Variants in CUL4A observed in about 807,000 individuals in gnomAD.
CUL4A encodes the protein cullin-4A.
A neutral mutation model predicts 95.5 loss-of-function variants in CUL4A; 16 were observed. The ratio of observed to expected loss-of-function variants is 0.17; its 90% CI spans 0.11 to 0.25. CUL4A has a LOEUF of 0.25. Among genes scored for constraint, CUL4A ranks in the 10% least tolerant of loss-of-function variants. CUL4A has a pLI of 1.00. For missense variants in CUL4A, 610 were observed against 937.0 expected (o/e 0.65, Z 4.56); for synonymous variants, 380 against 353.1 (o/e 1.08, Z -0.85).
chr13:113,225,175 G>T (rs1461905779), intron 3 of CUL4A, among the ~76,000 whole-genome samples: 2 of 152,066 alleles, frequency 1.3e-5, no homozygotes, highest in Non-Finnish European at 2.9e-5. Context: ...ATGAAGATTG[G>T]CCCTTTTCTG....
intron 2 of CUL4A, 102 bp downstream of exon 2, chr13:113,210,190 G>A (rs1466644466): frequency 2.8e-6 from 2 of 723,776 alleles, no homozygotes; most frequent in Non-Finnish European, 4.1e-6. Flanking sequence ...GCCGGGGAGC[G>A]GAAAGGCAGG....
intron 3 of CUL4A, among the ~76,000 whole-genome samples, chr13:113,224,156 T>G (rs1156852719): frequency 6.6e-6 from 1 of 152,114 alleles, no homozygotes; most frequent in Non-Finnish European, 1.5e-5. Context: ...ATCGAGACCA[T>G]CCTGGCTAAC....
chr13:113,243,175 G>GT lies in CUL4A; in HGVS notation c.1228+23dup, dbSNP rs370973461. The GT allele has an allele frequency of 6.4e-5, 101 of 1,569,182 alleles. No individual in the cohort carries two copies. The highest frequency in any genetic ancestry group is 3.2e-4 in the East Asian group (14 of 43,846). Reference sequence around the variant, plus strand: ...AGAACTGATCGGTAGAAAAATATTTGTTTTTTTTGTTTGTTTGTTTTTGAG... The same window carrying GT: ...AGAACTGATCGGTAGAAAAATATTTGTTTTTTTTTGTTTGTTTGTTTTTGAG... On this transcript the variant is annotated intron_variant, in intron 11 of 19. Transcript: ENST00000375440.
intron 16 of CUL4A, 61 bp from the exon 17 acceptor site, chr13:113,254,632 T>G: frequency 8.4e-7 from 1 of 1,195,822 alleles, no homozygotes; most frequent in Non-Finnish European, 1.2e-6. Context: ...GAAGCTTCTT[T>G]TAATTTTTCA....
intron 5 of CUL4A, 43 bp downstream of exon 5, chr13:113,229,562 G>A: frequency 6.7e-7 from 1 of 1,496,580 alleles, no homozygotes; most frequent in East Asian, 2.3e-5. Flanking sequence ...CCCTGCAGCT[G>A]ATGCTTTTCG....
intron 15 of CUL4A, among the ~76,000 whole-genome samples, chr13:113,250,872 G>A (rs2041977301): frequency 6.6e-6 from 1 of 152,074 alleles, no homozygotes; most frequent in South Asian, 2.1e-4. Context: ...ATTGAAGATG[G>A]GGAGTAGGTG....
chr13:113,221,330 ACT>A (rs889402432), intron 3 of CUL4A, among the ~76,000 whole-genome samples: 2 of 152,200 alleles, frequency 1.3e-5, no homozygotes, highest in Non-Finnish European at 2.9e-5. Context: ...CATGGAGGTC[ACT>A]CTGGCAGAAT....
chr13:113,250,722 C>T (rs562676745), intron 15 of CUL4A, among the ~76,000 whole-genome samples: 14 of 152,028 alleles, frequency 9.2e-5, no homozygotes, highest in Non-Finnish European at 2.1e-4. Context: ...AAAGAAGAGG[C>T]TTATCACATT....
intron 15 of CUL4A, among the ~76,000 whole-genome samples, chr13:113,248,169 G>A (rs958613551): frequency 2.6e-5 from 4 of 152,156 alleles, no homozygotes; most frequent in African/African-American, 7.2e-5. Flanking sequence ...TCAAGACTAC[G>A]TAAACCTCTT....
At chr13:113,210,855 A>G (rs536325871) in intron 2 of CUL4A, among the ~76,000 whole-genome samples, 19 of 152,268 alleles carry the variant, frequency 1.2e-4, no homozygotes, top group Non-Finnish European at 2.4e-4. Context: ...AATACAAAAA[A>G]GAAGACTTCA....
chr13:113,235,711 C>G (rs979836071), intron 8 of CUL4A, among the ~76,000 whole-genome samples: 1 of 151,988 alleles, frequency 6.6e-6, no homozygotes, highest in Non-Finnish European at 1.5e-5. Context: ...TGGCTCAGGC[C>G]TGTAATCCCA....
At chr13:113,211,924 G>A (rs2040462945) in intron 2 of CUL4A, among the ~76,000 whole-genome samples, 1 of 151,928 alleles carries the variant, frequency 6.6e-6, no homozygotes, top group African/African-American at 2.4e-5. Flanking sequence ...CCACCAGCGT[G>A]TGCGTCTCTC....
chr13:113,211,902 G>A (rs891169029), intron 2 of CUL4A, among the ~76,000 whole-genome samples: 1 of 151,686 alleles, frequency 6.6e-6, no homozygotes, highest in Admixed American at 6.6e-5. Context: ...TGGGAGCTCC[G>A]GTTCCACTCC....
At chr13:113,253,018 G>A in intron 15 of CUL4A, 64 bp from the exon 16 acceptor site, 2 of 707,728 alleles carry the variant, frequency 2.8e-6, no homozygotes, top group Non-Finnish European at 4.9e-6. Flanking sequence ...TCTGTGCATT[G>A]AATGGGGAGC....
In CUL4A at chr13:113,233,881, T is replaced by A; in HGVS notation, c.676-16T>A. ...TCCTTTACTGAAATTGGTCAGTAAC[T>A]CTGCTTGTTTCTTAGGTGTATAAAG... is the stretch of plus-strand genomic sequence containing the variant. On this transcript the variant is annotated splice_polypyrimidine_tract_variant and intron_variant, in intron 6 of 19. Transcript: ENST00000375440. The A allele has an allele frequency of 7.4e-7, 1 of 1,351,942 alleles. No individual in the cohort carries two copies. Among genetic ancestry groups the A allele is most frequent in the Non-Finnish European group, 1.1e-6 (1 of 942,604 alleles). The allele number at this position is 1,351,942 out of a possible 1,614,324, so 83.7% of individuals were successfully genotyped here. A position where few individuals can be genotyped will look rare whatever the true frequency, so the allele number is the denominator to read the frequency against.
chr13:113,255,082 A>G lies in CUL4A; in HGVS notation c.1988A>G (p.Lys663Arg). ...KFIFNGEFKHKLFRIKINQIQ... is the reference protein window; with the variant it reads ...KFIFNGEFKHRLFRIKINQIQ... ...ATTTTTAATGGAGAGTTCAAGCACA[A>G]GTTGTTTAGAATAAAGATCAATCAA... The change falls in exon 18 of 20, where the codon AAG becomes AGG. Residue 663 changes from lysine to arginine, a missense_variant. Lys to Arg is a conservative substitution (Grantham distance 26). Coordinates refer to ENST00000375440, the MANE Select transcript of CUL4A (RefSeq NM_001008895.4). 1 of 1,613,960 alleles carries G rather than the reference A, an allele frequency of 6.2e-7. No homozygotes were observed. Among genetic ancestry groups the G allele is most frequent in the Non-Finnish European group, 8.5e-7 (1 of 1,179,912 alleles).
At chr13:113,220,530 C>T (rs2040858640) in intron 3 of CUL4A, among the ~76,000 whole-genome samples, 1 of 152,226 alleles carries the variant, frequency 6.6e-6, no homozygotes, top group Non-Finnish European at 1.5e-5. Context: ...CCAGATGTTT[C>T]CATCCAAAAA....
intron 15 of CUL4A, among the ~76,000 whole-genome samples, chr13:113,251,600 G>A (rs1203121025): frequency 6.6e-6 from 1 of 152,282 alleles, no homozygotes; most frequent in East Asian, 1.9e-4. Flanking sequence ...GCTCATGGTA[G>A]TGAGTGAGTT....
chr13:113,217,536 T>G (rs1262536796), intron 2 of CUL4A, among the ~76,000 whole-genome samples: 1 of 152,206 alleles, frequency 6.6e-6, no homozygotes, highest in African/African-American at 2.4e-5. Context: ...TGCATGTATT[T>G]TATATGGTAG....
Sources: allele counts gnomAD v4.1 joint callset (sites outside exome capture counted in the v4.1 genomes callset), GRCh38; gene constraint gnomAD v4.1.1; transcripts MANE v1.5; gene names NCBI Gene and HGNC (gene_info 2026-07-23, HGNC 2026-07-21).